Variants in TMEM178B observed in about 807,000 individuals in gnomAD.
The protein encoded by TMEM178B is transmembrane protein 178B.
A neutral mutation model predicts 31.0 loss-of-function variants in TMEM178B; 5 were observed. The ratio of observed to expected loss-of-function variants is 0.16; its 90% CI spans 0.08 to 0.34. TMEM178B has a LOEUF of 0.34. Ranked by LOEUF, TMEM178B falls within the 10% of genes least tolerant of loss-of-function variation. The pLI is 1.00. For missense variants in TMEM178B, 275 were observed against 400.3 expected (o/e 0.69, Z 2.67); for synonymous variants, 164 against 164.0 (o/e 1.00, Z 0.00).
chr7:141,457,392 A>G (rs1801984224), intron 3 of TMEM178B, among the ~76,000 whole-genome samples: 1 of 152,232 alleles, frequency 6.6e-6, no homozygotes, highest in Non-Finnish European at 1.5e-5. Context: ...ATAGGCATAT[A>G]TATGTATGTA....
chr7:141,276,303 G>A (rs769477838), intron 2 of TMEM178B, among the ~76,000 whole-genome samples: 1 of 152,270 alleles, frequency 6.6e-6, no homozygotes, highest in Non-Finnish European at 1.5e-5. Context: ...ATCGCTGAAC[G>A]ACGGGGATAT....
intron 1 of TMEM178B, among the ~76,000 whole-genome samples, chr7:141,131,642 TA>T (rs1795597333): frequency 6.6e-6 from 1 of 152,244 alleles, no homozygotes; most frequent in South Asian, 2.1e-4. Context: ...TGTTTATTTT[TA>T]TTGCTGAGTA....
chr7:141,210,488 A>G (rs186736891), intron 1 of TMEM178B, among the ~76,000 whole-genome samples: 68 of 152,356 alleles, frequency 4.5e-4, no homozygotes, highest in African/African-American at 1.6e-3. Context: ...AATTAAAAAA[A>G]TAGGGATGAG....
chr7:141,223,040 G>A (rs1482940049), intron 2 of TMEM178B, among the ~76,000 whole-genome samples: 1 of 152,182 alleles, frequency 6.6e-6, no homozygotes, highest in Non-Finnish European at 1.5e-5. Context: ...TACAATGTGA[G>A]TACAACGTAT....
intron 2 of TMEM178B, among the ~76,000 whole-genome samples, chr7:141,394,370 A>G (rs1189896228): frequency 6.6e-6 from 1 of 152,214 alleles, no homozygotes; most frequent in Non-Finnish European, 1.5e-5. Context: ...TGAACCTAAT[A>G]TCACGAAGAC....
chr7:141,460,881 C>T (rs1306151184), intron 3 of TMEM178B, among the ~76,000 whole-genome samples: 2 of 152,190 alleles, frequency 1.3e-5, no homozygotes, highest in Non-Finnish European at 2.9e-5. Flanking sequence ...ATCCACCCTC[C>T]CCTGCCTCAT....
At chr7:141,271,034 T>G (rs1319747019) in intron 2 of TMEM178B, among the ~76,000 whole-genome samples, 1 of 152,196 alleles carries the variant, frequency 6.6e-6, no homozygotes, top group Admixed American at 6.5e-5. Context: ...GTATGTTCAA[T>G]ATGGGCTCTA....
At chr7:141,391,235 G>A (rs367903482) in intron 2 of TMEM178B, among the ~76,000 whole-genome samples, 7 of 152,034 alleles carry the variant, frequency 4.6e-5, no homozygotes, top group African/African-American at 1.7e-4. Context: ...GTGCGATCTC[G>A]GCTCACTGCA....
chr7:141,198,157 C>G (rs184182975), intron 1 of TMEM178B, among the ~76,000 whole-genome samples: 1 of 151,836 alleles, frequency 6.6e-6, no homozygotes, highest in African/African-American at 2.4e-5. Flanking sequence ...TTTTTTTTCC[C>G]TAGCTGAAAC....
At chr7:141,331,248 C>T (rs1799294252) in intron 2 of TMEM178B, among the ~76,000 whole-genome samples, 1 of 152,168 alleles carries the variant, frequency 6.6e-6, no homozygotes, top group South Asian at 2.1e-4. Context: ...TAGATGATAA[C>T]ACCAAGGGAG....
chr7:141,144,273 GA>G (rs1413497497), intron 1 of TMEM178B, among the ~76,000 whole-genome samples: 4 of 152,138 alleles, frequency 2.6e-5, no homozygotes, highest in Non-Finnish European at 4.4e-5. Flanking sequence ...TTTATGATCA[GA>G]AAAGGTATCT....
In TMEM178B at chr7:141,344,573, TC is replaced by T. The variant is rs1273625818; in HGVS notation, c.497-93032del. ...CCTCCCTCCCTCCATTCCTCCCTCC[TC>T]CCTTCCTTCCTTCCTTCCTTCCTTC... On this transcript the variant is annotated intron_variant, in intron 2 of 3. Transcript: ENST00000565468. This position sits in a 1 kb window ranked among gnomAD's most constrained non-coding sequence, Gnocchi z 4.1. 8.7e-4 allele frequency among the ~76,000 whole-genome samples: 116 copies of T among 133,546 alleles called. No individual in the cohort carries two copies. Among genetic ancestry groups the T allele is most frequent in the Non-Finnish European group, 6.8e-4 (43 of 63,252 alleles). The allele number at this position is 133,546 out of a possible 152,430, so 87.6% of individuals were successfully genotyped here.
chr7:141,339,198 T>C (rs1799475055), intron 2 of TMEM178B, among the ~76,000 whole-genome samples: 1 of 152,206 alleles, frequency 6.6e-6, no homozygotes, highest in Non-Finnish European at 1.5e-5. Context: ...TTCTTGTCCC[T>C]GAGGAGTGGA....
intron 3 of TMEM178B, among the ~76,000 whole-genome samples, chr7:141,470,060 T>G (rs1459049689): frequency 6.6e-6 from 1 of 152,202 alleles, no homozygotes; most frequent in Non-Finnish European, 1.5e-5. Context: ...GTGAACAGAT[T>G]AAAGGAAAAC....
chr7:141,099,899 G>C (rs539532855), intron 1 of TMEM178B, among the ~76,000 whole-genome samples: 1 of 148,868 alleles, frequency 6.7e-6, no homozygotes, highest in Admixed American at 6.8e-5. Context: ...GCGTGATCTC[G>C]GCTCACTGCA....
chr7:141,151,693 C>T (rs1424528479), intron 1 of TMEM178B, among the ~76,000 whole-genome samples: 2 of 152,280 alleles, frequency 1.3e-5, no homozygotes, highest in South Asian at 2.1e-4. Context: ...TGTGAACCCA[C>T]GCCATCATGA....
At chr7:141,373,066 T>A (rs945381646) in intron 2 of TMEM178B, among the ~76,000 whole-genome samples, 8 of 152,206 alleles carry the variant, frequency 5.3e-5, no homozygotes, top group Admixed American at 2.0e-4. Context: ...TTATTTAATC[T>A]CTCTGAACCT....
chr7:141,102,993 C>T (rs1210695732), intron 1 of TMEM178B, among the ~76,000 whole-genome samples: 1 of 152,176 alleles, frequency 6.6e-6, no homozygotes, highest in African/African-American at 2.4e-5. Context: ...CTCTCCATCA[C>T]AGGCAGCCAC....
chr7:141,420,256 T>G (rs1349548872), intron 2 of TMEM178B, among the ~76,000 whole-genome samples: 1 of 152,024 alleles, frequency 6.6e-6, no homozygotes, highest in Non-Finnish European at 1.5e-5. Context: ...CTCTGGAAAG[T>G]GTGTTTAATG....
Sources: allele counts gnomAD v4.1 joint callset (sites outside exome capture counted in the v4.1 genomes callset), GRCh38; gene constraint gnomAD v4.1.1; non-coding constraint Gnocchi (gnomAD v3.1); transcripts MANE v1.5; gene names NCBI Gene and HGNC (gene_info 2026-07-23, HGNC 2026-07-21).